The following RYR3 variants were observed in gnomAD, a reference collection of about 807,000 sequenced individuals.
RYR3 encodes the protein ryanodine receptor 3.
A neutral mutation model predicts 584.3 loss-of-function variants in RYR3; 207 were observed. The ratio of observed to expected loss-of-function variants is 0.35; its 90% CI spans 0.32 to 0.40. RYR3 has a LOEUF of 0.40. Among genes scored for constraint, RYR3 ranks in the 10% least tolerant of loss-of-function variants. RYR3 has a pLI of 1.00. For synonymous variants in RYR3, 2,416 were observed against 2,248.5 expected (o/e 1.07, Z -2.11); for missense variants, 5,616 against 6,089.2 (o/e 0.92, Z 2.59).
intron 94 of RYR3, chr15:33,852,598 T>C: frequency 6.3e-6 from 1 of 158,968 alleles, no homozygotes; most frequent in South Asian, 1.8e-4. Flanking sequence ...AGGGACTTTA[T>C]CTACACTTTC....
At chr15:33,663,865 G>A in intron 36 of RYR3, 128 bp downstream of exon 36, 1 of 733,536 alleles carries the variant, frequency 1.4e-6, no homozygotes, top group Non-Finnish European at 2.2e-6. Flanking sequence ...AAGACCCACT[G>A]CAATACCAGG....
Position 33,603,282 on chromosome 15 carries a change from A to T in RYR3, c.2082A>T (p.Pro694=). 1 of 1,613,812 alleles carries T rather than the reference A, an allele frequency of 6.2e-7. No individual in the cohort carries two copies. The highest frequency in any genetic ancestry group is 8.5e-7 in the Non-Finnish European group (1 of 1,179,778). Residue 694 remains proline, a synonymous_variant, in exon 18 of 104, where the codon CCA becomes CCT. Transcript: ENST00000634891. ...WASSSGYAPY[P]GGGEGWGGNG... is the part of the protein sequence containing the mutation. Reference sequence around the variant, plus strand: ...CTTCTTCAGGCTATGCCCCATACCCAGGAGGTGGAGAAGGATGGGGAGGCA... The same window carrying T: ...CTTCTTCAGGCTATGCCCCATACCCTGGAGGTGGAGAAGGATGGGGAGGCA...
At chr15:33,354,366 C>A (rs1265325636) in intron 1 of RYR3, among the ~76,000 whole-genome samples, 1 of 152,156 alleles carries the variant, frequency 6.6e-6, no homozygotes, top group Non-Finnish European at 1.5e-5. Context: ...TAGAGCATTG[C>A]CTCTTGTTTG....
intron 43 of RYR3, among the ~76,000 whole-genome samples, chr15:33,707,871 C>T (rs190905964): frequency 6.1e-4 from 93 of 152,218 alleles, no homozygotes; most frequent in Non-Finnish European, 1.1e-3. Flanking sequence ...ATTATATTCC[C>T]GTGTGCTTTT....
At chr15:33,657,043 C>A (rs1199818770) in intron 32 of RYR3, among the ~76,000 whole-genome samples, 1 of 152,192 alleles carries the variant, frequency 6.6e-6, no homozygotes, top group Non-Finnish European at 1.5e-5. Flanking sequence ...TTCTCGAATC[C>A]TGCTTACCAC....
chr15:33,324,222 A>G (rs942144757), intron 1 of RYR3, among the ~76,000 whole-genome samples: 4 of 152,168 alleles, frequency 2.6e-5, no homozygotes, highest in East Asian at 1.9e-4. Flanking sequence ...GACATTCTCT[A>G]TGGATGAAAC....
Position 33,738,437 on chromosome 15 carries a change from C to G in RYR3, c.7516-13C>G. ...TGCCACCCCGCTGGTCTGTCCTGTT[C>G]TGCACCTCCCAGCTTCTGACGAATC... is the stretch of plus-strand genomic sequence containing the variant. On this transcript the variant is annotated splice_polypyrimidine_tract_variant and intron_variant, in intron 49 of 103. Coordinates refer to ENST00000634891, the MANE Select transcript of RYR3 (RefSeq NM_001036.6). 6.2e-7 allele frequency: 1 copy of G among 1,609,066 alleles called. No individual in the cohort carries two copies. Among genetic ancestry groups the G allele is most frequent in the Non-Finnish European group, 8.5e-7 (1 of 1,177,328 alleles).
chr15:33,554,487 G>A (rs139195257), intron 10 of RYR3, among the ~76,000 whole-genome samples: 11,421 of 151,918 alleles, frequency 0.075, 542 homozygotes, highest in Middle Eastern at 0.1. Context: ...TAGTAGAGAC[G>A]GGGTTTCACT....
chr15:33,601,450 G>T lies in RYR3; in HGVS notation c.1820G>T (p.Cys607Phe). 4 of 1,613,158 alleles carry T rather than the reference G, an allele frequency of 2.5e-6. No individual in the cohort carries two copies. Among genetic ancestry groups the T allele is most frequent in the Non-Finnish European group, 3.4e-6 (4 of 1,179,592 alleles). ...GATATCCTGTGCTCCCTCTGTCTCT[G>T]CAATGGGGTTGCAGTGAGAGCCAAC... is the stretch of plus-strand genomic sequence containing the variant. ...VLDILCSLCL[C>F]NGVAVRANQN... The change falls in exon 17 of 104, where the codon TGC becomes TTC. Residue 607 changes from cysteine (C) to phenylalanine (F), a missense_variant. Transcript: ENST00000634891.
intron 1 of RYR3, among the ~76,000 whole-genome samples, chr15:33,331,476 T>G (rs1164917861): frequency 6.6e-6 from 1 of 152,154 alleles, no homozygotes; most frequent in African/African-American, 2.4e-5. Context: ...ATTGTTTTAC[T>G]AGAAATAGAC....
intron 7 of RYR3, among the ~76,000 whole-genome samples, chr15:33,541,382 TAAG>T (rs1033721372): frequency 2.0e-5 from 3 of 152,168 alleles, no homozygotes; most frequent in African/African-American, 7.2e-5. Flanking sequence ...CATTTTAACA[TAAG>T]AGGTGAAATT....
chr15:33,669,520 A>G, intron 37 of RYR3, 64 bp downstream of exon 37: 4 of 1,414,280 alleles, frequency 2.8e-6, no homozygotes, highest in South Asian at 1.2e-5. Context: ...TGATTCCTTC[A>G]TTAGAAAGCT....
chr15:33,595,486 G>A (rs561189862), intron 16 of RYR3, among the ~76,000 whole-genome samples: 1 of 152,204 alleles, frequency 6.6e-6, no homozygotes, highest in South Asian at 2.1e-4. Context: ...TTAATAATTA[G>A]TTTATAGAGG....
At chr15:33,394,920 C>T (rs999164333) in intron 1 of RYR3, among the ~76,000 whole-genome samples, 1 of 151,810 alleles carries the variant, frequency 6.6e-6, no homozygotes, top group African/African-American at 2.4e-5. Context: ...AGTATAATGC[C>T]AGACATGAGG....
chr15:33,636,233 C>A (rs747028107), intron 26 of RYR3, 143 bp from the exon 27 acceptor site: 6 of 739,196 alleles, frequency 8.1e-6, no homozygotes, highest in African/African-American at 1.8e-5. Flanking sequence ...ATAGACCACT[C>A]CTCCTTGTTG....
At chr15:33,781,598 G>T (rs143846883) in intron 65 of RYR3, among the ~76,000 whole-genome samples, 3 of 151,974 alleles carry the variant, frequency 2.0e-5, no homozygotes, top group Non-Finnish European at 4.4e-5. Flanking sequence ...ATTCCCACTC[G>T]CTTCTTGTTA....
intron 24 of RYR3, among the ~76,000 whole-genome samples, chr15:33,634,216 T>C (rs1268538564): frequency 6.6e-6 from 1 of 151,822 alleles, no homozygotes; most frequent in African/African-American, 2.4e-5. Flanking sequence ...CACATCGAGC[T>C]AATTTTTGTA....
chr15:33,864,821 C>T, intron 103 of RYR3: 1 of 278,112 alleles, frequency 3.6e-6, no homozygotes, highest in Non-Finnish European at 6.7e-6. Flanking sequence ...CGTCTTCCAC[C>T]AGCGGCATGG....
chr15:33,748,562 T>G (rs150447520), intron 55 of RYR3, 32 bp downstream of exon 55: 1 of 1,579,100 alleles, frequency 6.3e-7, no homozygotes, highest in African/African-American at 1.3e-5. Flanking sequence ...TGACTTGCTT[T>G]CAAGTGCAGG....
Sources: gnomAD v4.1 joint callset for allele counts (sites outside exome capture counted in the v4.1 genomes callset) on GRCh38, gnomAD v4.1.1 for gene constraint, MANE v1.5 for transcripts, NCBI Gene and HGNC (gene_info 2026-07-23, HGNC 2026-07-21) for gene names.